HCN1: variants seen among roughly 807,000 people sequenced by gnomAD.
The protein encoded by HCN1 is potassium/sodium hyperpolarization-activated cyclic nucleotide-gated channel 1.
HCN1 carries 13 observed loss-of-function variants against 78.9 expected under a neutral mutation model. The ratio of observed to expected loss-of-function variants is 0.16; its 90% CI spans 0.11 to 0.26. The LOEUF is 0.26. Ranked by LOEUF, HCN1 falls within the 10% of genes least tolerant of loss-of-function variation. The probability of loss-of-function intolerance (pLI) is 1.00; values close to 1 mark genes in which losing one functional copy is unlikely to be tolerated. For synonymous variants in HCN1, 552 were observed against 455.5 expected (o/e 1.21, Z -2.70); for missense variants, 810 against 1,154.3 (o/e 0.70, Z 4.32).
chr5:45,443,677 T>G (rs1740728460), intron 3 of HCN1, among the ~76,000 whole-genome samples: 1 of 152,068 alleles, frequency 6.6e-6, no homozygotes, highest in South Asian at 2.1e-4. Context: ...GACATTACTT[T>G]TGGTGAATTG....
At chr5:45,677,725 G>A (rs1263048213) in intron 1 of HCN1, among the ~76,000 whole-genome samples, 2 of 151,802 alleles carry the variant, frequency 1.3e-5, no homozygotes, top group African/African-American at 4.8e-5. Context: ...GTAAATCTAA[G>A]TTCCCCTTTC....
intron 3 of HCN1, among the ~76,000 whole-genome samples, chr5:45,398,796 C>T (rs893502153): frequency 6.6e-6 from 1 of 152,080 alleles, no homozygotes; most frequent in Non-Finnish European, 1.5e-5. Flanking sequence ...ATATAAAAAT[C>T]GTGTTATTTT....
intron 2 of HCN1, among the ~76,000 whole-genome samples, chr5:45,496,044 A>T (rs1742019812): frequency 6.6e-6 from 1 of 152,082 alleles, no homozygotes; most frequent in African/African-American, 2.4e-5. Flanking sequence ...TTCATCAAGG[A>T]TATTGGTCTA....
At position 45,262,182 on chromosome 5, in the gene HCN1, A is replaced by T; in HGVS notation, c.2412T>A (p.Pro804=). 1 of 1,614,004 alleles carries T rather than the reference A, an allele frequency of 6.2e-7. No individual in the cohort carries two copies. The highest frequency in any genetic ancestry group is 8.5e-7 in the Non-Finnish European group (1 of 1,180,016). ...CCAGGGACTCGCCCACAGTGGGATG[A>T]GGTCTGGAAATCAGAGTGGACACCT... ...PHEVSTLISR[P]HPTVGESLAS... The change falls in exon 8 of 8, where the codon CCT becomes CCA. Residue 804 remains proline, a synonymous_variant. Transcript: ENST00000303230.
intron 1 of HCN1, among the ~76,000 whole-genome samples, chr5:45,671,580 A>G (rs926413592): frequency 6.6e-6 from 1 of 151,366 alleles, no homozygotes; most frequent in African/African-American, 2.4e-5. Context: ...GTAAATTTTG[A>G]TAAGTGAGGA....
intron 2 of HCN1, among the ~76,000 whole-genome samples, chr5:45,498,173 C>A: frequency 6.6e-6 from 1 of 152,184 alleles, no homozygotes; most frequent in Non-Finnish European, 1.5e-5. Context: ...TAATGTCCTG[C>A]AGAGTGTTTT....
chr5:45,641,963 T>C (rs754875691), intron 2 of HCN1: 1 of 152,186 alleles, frequency 6.6e-6, no homozygotes, highest in Admixed American at 6.5e-5. Context: ...TTGTGATAGG[T>C]TATGAAATAG....
At chr5:45,519,867 T>C (rs968435854) in intron 2 of HCN1, among the ~76,000 whole-genome samples, 6 of 152,068 alleles carry the variant, frequency 3.9e-5, no homozygotes, top group African/African-American at 1.4e-4. Context: ...CTTAACCAGG[T>C]AGTTAAAAAT....
In HCN1 at chr5:45,257,491, A is replaced by T. The variant is rs1400829535; in HGVS notation, c.*4430T>A. 6.6e-6 allele frequency: 1 copy of T among 152,168 alleles called. No homozygotes were observed. The highest frequency in any genetic ancestry group is 1.9e-4 in the East Asian group (1 of 5,184). The allele number at this position is 152,168 out of a possible 1,614,324, so 9.4% of individuals were successfully genotyped here. On this transcript the variant is annotated 3_prime_UTR_variant, in exon 8 of 8. Coordinates refer to ENST00000303230, the MANE Select transcript of HCN1 (RefSeq NM_021072.4). ...AGAGCATTATCTGTAGGTTCTTTTA[A>T]GATCATCTTTAAATAATTTTCAAGG...
intron 5 of HCN1, among the ~76,000 whole-genome samples, chr5:45,310,945 C>G (rs1046337839): frequency 6.6e-6 from 1 of 152,058 alleles, no homozygotes; most frequent in African/African-American, 2.4e-5. Context: ...TTCTCACTTA[C>G]AAGTGGTTGC....
intron 4 of HCN1, among the ~76,000 whole-genome samples, chr5:45,362,007 G>A (rs1747120291): frequency 1.3e-5 from 2 of 152,086 alleles, no homozygotes; most frequent in Non-Finnish European, 2.9e-5. Flanking sequence ...TAAGGGTCAA[G>A]GGTTAGATGA....
chr5:45,347,950 T>A (rs1484676050), intron 5 of HCN1, among the ~76,000 whole-genome samples: 2 of 152,162 alleles, frequency 1.3e-5, no homozygotes, highest in African/African-American at 2.4e-5. Context: ...TGCAGGATAT[T>A]ATACAGGAGA....
intron 2 of HCN1, among the ~76,000 whole-genome samples, chr5:45,522,217 T>C (rs1199231105): frequency 6.6e-6 from 1 of 152,038 alleles, no homozygotes; most frequent in African/African-American, 2.4e-5. Flanking sequence ...GTATCCAGAA[T>C]TACTTTTGCT....
chr5:45,594,261 T>A (rs1157945978), intron 2 of HCN1, among the ~76,000 whole-genome samples: 2 of 152,328 alleles, frequency 1.3e-5, no homozygotes, highest in East Asian at 3.9e-4. Context: ...GGTATCATGA[T>A]GTAATGATTC....
intron 4 of HCN1, among the ~76,000 whole-genome samples, chr5:45,393,982 A>C (rs559232041): frequency 1.3e-5 from 2 of 152,170 alleles, no homozygotes; most frequent in South Asian, 2.1e-4. Flanking sequence ...GAACTAGTGA[A>C]TACATTCCTT....
At chr5:45,317,879 C>T (rs1449051166) in intron 5 of HCN1, among the ~76,000 whole-genome samples, 1 of 152,140 alleles carries the variant, frequency 6.6e-6, no homozygotes, top group African/African-American at 2.4e-5. Flanking sequence ...CATCTCACAC[C>T]ACTTAGAATG....
chr5:45,372,551 A>ATATAAAACATTTACATATAAAAATG (rs1747425516), intron 4 of HCN1, among the ~76,000 whole-genome samples: 1 of 129,070 alleles, frequency 7.7e-6, no homozygotes, highest in Non-Finnish European at 1.6e-5. Flanking sequence ...ATATAAAAAT[A>ATATAAAACATTTACATATAAAAATG]TATAAAACAT....
At chr5:45,283,377 T>A (rs554869661) in intron 6 of HCN1, among the ~76,000 whole-genome samples, 2 of 151,838 alleles carry the variant, frequency 1.3e-5, no homozygotes, top group East Asian at 3.9e-4. Flanking sequence ...TGGGAGAAAA[T>A]TTTTGCAAAC....
At chr5:45,286,277 T>C (rs187963599) in intron 6 of HCN1, among the ~76,000 whole-genome samples, 16 of 152,094 alleles carry the variant, frequency 1.1e-4, no homozygotes, top group African/African-American at 3.1e-4. Flanking sequence ...CAAGTTATAA[T>C]AGTACATGCA....
Sources: gnomAD v4.1 joint callset for allele counts (sites outside exome capture counted in the v4.1 genomes callset) on GRCh38, gnomAD v4.1.1 for gene constraint, MANE v1.5 for transcripts, NCBI Gene and HGNC (gene_info 2026-07-23, HGNC 2026-07-21) for gene names.